The following DZIP3 variants were observed in gnomAD, a reference collection of about 807,000 sequenced individuals.
The protein encoded by DZIP3 is DAZ interacting zinc finger protein 3, also known as E3 ubiquitin-protein ligase DZIP3.
DZIP3 carries 118 observed loss-of-function variants against 162.0 expected under a neutral mutation model. The ratio of observed to expected loss-of-function variants is 0.73; its 90% CI spans 0.63 to 0.85. The LOEUF (loss-of-function observed/expected upper bound fraction) is 0.85. Among genes scored for constraint, DZIP3 ranks in the 40% least tolerant of loss-of-function variants. The probability of loss-of-function intolerance (pLI) is 0.00; values close to 1 mark genes in which losing one functional copy is unlikely to be tolerated. For missense variants in DZIP3, 1,331 were observed against 1,407.0 expected, an observed-to-expected ratio of 0.95 and a Z score of 0.86; for synonymous variants, 438 against 458.6, an observed-to-expected ratio of 0.96 and a Z score of 0.57.
intron 4 of DZIP3, among the ~76,000 whole-genome samples, chr3:108,611,642 G>A (rs1243416254): frequency 6.6e-6 from 1 of 152,092 alleles, no homozygotes; most frequent in Non-Finnish European, 1.5e-5. Context: ...TGGGACAGGG[G>A]ACTGCTTTTG....
At chr3:108,663,958 A>G (rs1262054362) in intron 21 of DZIP3, among the ~76,000 whole-genome samples, 2 of 152,190 alleles carry the variant, frequency 1.3e-5, no homozygotes, top group African/African-American at 4.8e-5. Context: ...ATAAAATTAC[A>G]TAAAACAGAG....
chr3:108,615,314 A>C (rs766886869), intron 4 of DZIP3, among the ~76,000 whole-genome samples: 4 of 152,226 alleles, frequency 2.6e-5, no homozygotes, highest in Non-Finnish European at 1.5e-5. Context: ...GCTGTTTGAC[A>C]GAGGTGGAAC....
At chr3:108,675,181 A>G (rs1385847130) in intron 24 of DZIP3, among the ~76,000 whole-genome samples, 1 of 151,990 alleles carries the variant, frequency 6.6e-6, no homozygotes, top group African/African-American at 2.4e-5. Context: ...AGACCCTAAC[A>G]ACTTCAAAGT....
At chr3:108,640,754 T>A (rs1942366231) in intron 12 of DZIP3, among the ~76,000 whole-genome samples, 2 of 152,126 alleles carry the variant, frequency 1.3e-5, no homozygotes, top group African/African-American at 4.8e-5. Context: ...TTAACATCTC[T>A]TTTTAACCCT....
At chr3:108,633,657 G>A (rs1229093960) in intron 9 of DZIP3, among the ~76,000 whole-genome samples, 1 of 143,742 alleles carries the variant, frequency 7.0e-6, no homozygotes, top group African/African-American at 2.6e-5. Flanking sequence ...CTCTCTCTCT[G>A]GATCTATCAG....
chr3:108,688,933 T>TC lies in DZIP3; in HGVS notation c.3516+9_3516+10insC. On this transcript the variant is annotated intron_variant, in intron 31 of 32. Transcript: ENST00000361582. ...ACAAATTCCATGCTCAGGTAACACT[T>TC]TAAATTTTCCCATTAATCAGCTAAA... 5.6e-6 allele frequency: 9 copies of TC among 1,613,092 alleles called. No individual in the cohort carries two copies. Among genetic ancestry groups the TC allele is most frequent in the Non-Finnish European group, 5.9e-6 (7 of 1,179,142 alleles).
chr3:108,628,555 G>A (rs1267005049), intron 7 of DZIP3, among the ~76,000 whole-genome samples: 1 of 152,118 alleles, frequency 6.6e-6, no homozygotes, highest in East Asian at 1.9e-4. Flanking sequence ...AAGCCTTCTA[G>A]TTTTCAGTGT....
chr3:108,688,163 A>C lies in DZIP3; in HGVS notation c.3270+67A>C, dbSNP rs189777815. 3 of 1,569,156 alleles carry C rather than the reference A, an allele frequency of 1.9e-6. No individual in the cohort carries two copies. The African/African-American group carries it at 4.1e-5, about 21-fold the overall frequency. ...CTTAACTCTAGTAGTTAACTGTTTT[A>C]AATATCTCCATAACCTGTTCAGAAA... is the stretch of plus-strand genomic sequence containing the variant. On this transcript the variant is annotated intron_variant, in intron 29 of 32. Transcript: ENST00000361582.
chr3:108,599,034 T>C (rs941242923), intron 1 of DZIP3, among the ~76,000 whole-genome samples: 1 of 152,248 alleles, frequency 6.6e-6, no homozygotes, highest in Non-Finnish European at 1.5e-5. Context: ...TGAATAGATC[T>C]GAACAGAATT....
chr3:108,628,564 G>T (rs1380899043), intron 7 of DZIP3, among the ~76,000 whole-genome samples: 1 of 152,096 alleles, frequency 6.6e-6, no homozygotes, highest in Non-Finnish European at 1.5e-5. Flanking sequence ...AGTTTTCAGT[G>T]TCCTGAGTTG....
intron 17 of DZIP3, among the ~76,000 whole-genome samples, chr3:108,649,344 C>G (rs1576414963): frequency 6.6e-6 from 1 of 151,704 alleles, no homozygotes; most frequent in East Asian, 1.9e-4. Flanking sequence ...TTTAAGAAAT[C>G]TTGATTTTTT....
At chr3:108,622,029 C>T (rs1266468307) in intron 5 of DZIP3, among the ~76,000 whole-genome samples, 9 of 149,972 alleles carry the variant, frequency 6.0e-5, no homozygotes, top group South Asian at 2.1e-4. Context: ...GAGACCCCAT[C>T]TCTAAAAAAA....
chr3:108,640,247 C>T (rs1163072896), intron 12 of DZIP3, among the ~76,000 whole-genome samples: 1 of 151,898 alleles, frequency 6.6e-6, no homozygotes, highest in African/African-American at 2.4e-5. Flanking sequence ...AGCTCTGTTT[C>T]AGCATTCTAT....
At chr3:108,621,015 G>T (rs1941306428) in intron 5 of DZIP3, among the ~76,000 whole-genome samples, 1 of 152,030 alleles carries the variant, frequency 6.6e-6, no homozygotes, top group South Asian at 2.1e-4. Flanking sequence ...TAGAGACAGG[G>T]TTTCACCATG....
intron 17 of DZIP3, among the ~76,000 whole-genome samples, chr3:108,650,003 T>C (rs891661840): frequency 4.0e-5 from 6 of 151,854 alleles, no homozygotes; most frequent in African/African-American, 1.4e-4. Context: ...GCCAAAGTAT[T>C]GGTAAGTCAT....
intron 12 of DZIP3, among the ~76,000 whole-genome samples, chr3:108,641,595 A>G (rs1942403881): frequency 6.6e-6 from 1 of 152,202 alleles, no homozygotes; most frequent in South Asian, 2.1e-4. Context: ...TATATCTATA[A>G]CTTTACTAGC....
chr3:108,620,108 T>C (rs768570558), intron 5 of DZIP3, among the ~76,000 whole-genome samples: 6 of 152,150 alleles, frequency 3.9e-5, no homozygotes, highest in Non-Finnish European at 8.8e-5. Flanking sequence ...ACGAAAGCCA[T>C]CTGCAGGTTC....
chr3:108,592,501 T>C (rs1323421467), intron 1 of DZIP3, among the ~76,000 whole-genome samples: 3 of 151,910 alleles, frequency 2.0e-5, no homozygotes, highest in South Asian at 2.1e-4. Context: ...CAAGACCAGC[T>C]TGGGCAATAT....
At chr3:108,682,207 A>G (rs1265948998) in intron 26 of DZIP3, among the ~76,000 whole-genome samples, 1 of 151,122 alleles carries the variant, frequency 6.6e-6, no homozygotes, top group Non-Finnish European at 1.5e-5. Context: ...TATGGAATAC[A>G]GTATCGAGGT....
Sources: allele counts gnomAD v4.1 joint callset (sites outside exome capture counted in the v4.1 genomes callset), GRCh38; gene constraint gnomAD v4.1.1; transcripts MANE v1.5; gene names NCBI Gene and HGNC (gene_info 2026-07-23, HGNC 2026-07-21).